ELL: variants seen among roughly 807,000 people sequenced by gnomAD.
The protein encoded by ELL is RNA polymerase II elongation factor ELL.
A neutral mutation model predicts 64.0 loss-of-function variants in ELL; 18 were observed. The observed-to-expected ratio is 0.28, with a 90% CI of 0.19 to 0.42. The LOEUF (loss-of-function observed/expected upper bound fraction) is 0.42. Among genes scored for constraint, ELL ranks in the 10% least tolerant of loss-of-function variants. The pLI, the probability that ELL is intolerant of heterozygous loss-of-function variation, is 1.00. For missense variants in ELL, 797 were observed against 870.4 expected (o/e 0.92, Z 1.06); for synonymous variants, 399 against 376.2 (o/e 1.06, Z -0.70).
intron 1 of ELL, among the ~76,000 whole-genome samples, chr19:18,493,192 G>A (rs956285749): frequency 5.3e-5 from 8 of 152,140 alleles, no homozygotes; most frequent in Admixed American, 3.9e-4. Context: ...CCAGGGATTT[G>A]TCTGAGATAA....
intron 2 of ELL, among the ~76,000 whole-genome samples, chr19:18,469,771 G>A (rs888051025): frequency 1.3e-5 from 2 of 152,222 alleles, no homozygotes; most frequent in Non-Finnish European, 2.9e-5. Flanking sequence ...ACCAGGGGGC[G>A]TTGCTTCCAC....
chr19:18,474,086 C>T (rs1041956068), intron 1 of ELL, among the ~76,000 whole-genome samples: 6 of 152,218 alleles, frequency 3.9e-5, no homozygotes, highest in Non-Finnish European at 8.8e-5. Context: ...GCCCAGGGTC[C>T]GCCCTCTGGA....
At chr19:18,518,764 T>C (rs1038870926) in intron 1 of ELL, among the ~76,000 whole-genome samples, 18 of 151,436 alleles carry the variant, frequency 1.2e-4, no homozygotes, top group Admixed American at 7.2e-4. Context: ...GCAATCCAGC[T>C]TGGGCGACAG....
intron 6 of ELL, among the ~76,000 whole-genome samples, chr19:18,455,310 G>A (rs1600434155): frequency 6.6e-6 from 1 of 151,382 alleles, no homozygotes; most frequent in East Asian, 1.9e-4. Context: ...GGCCAAGATG[G>A]TGAAACCCCA....
intron 1 of ELL, among the ~76,000 whole-genome samples, chr19:18,503,840 T>G (rs955023155): frequency 1.3e-5 from 2 of 152,090 alleles, no homozygotes; most frequent in Non-Finnish European, 2.9e-5. Flanking sequence ...CACGGGACTG[T>G]CACTCATCAC....
intron 1 of ELL, among the ~76,000 whole-genome samples, chr19:18,507,662 C>G (rs936027336): frequency 1.3e-5 from 2 of 152,206 alleles, no homozygotes; most frequent in African/African-American, 4.8e-5. Flanking sequence ...AGCGCAGGGG[C>G]TTCATCCCTC....
intron 10 of ELL, among the ~76,000 whole-genome samples, chr19:18,445,609 C>A (rs1489860976): frequency 6.6e-6 from 1 of 152,026 alleles, no homozygotes; most frequent in Non-Finnish European, 1.5e-5. Flanking sequence ...CCCCAAGAAC[C>A]CGTGGCTCGC....
chr19:18,476,990 C>T (rs946638692), intron 1 of ELL, among the ~76,000 whole-genome samples: 1 of 152,110 alleles, frequency 6.6e-6, no homozygotes, highest in Non-Finnish European at 1.5e-5. Flanking sequence ...ACCCTACAGA[C>T]ACGTGAAGCA....
chr19:18,468,713 T>A (rs1481832931), intron 2 of ELL, among the ~76,000 whole-genome samples: 1 of 152,200 alleles, frequency 6.6e-6, no homozygotes, highest in Admixed American at 6.5e-5. Context: ...TGCCAGTGGC[T>A]CCTGCCCCAC....
intron 1 of ELL, among the ~76,000 whole-genome samples, chr19:18,474,835 T>A (rs924740821): frequency 6.6e-5 from 10 of 152,158 alleles, no homozygotes; most frequent in African/African-American, 2.4e-4. Context: ...TGCTACAAAT[T>A]TGGTTAAACA....
At chr19:18,461,244 C>T (rs570471147) in intron 5 of ELL, among the ~76,000 whole-genome samples, 2 of 151,914 alleles carry the variant, frequency 1.3e-5, no homozygotes, top group South Asian at 4.2e-4. Flanking sequence ...GCCTTGAGTC[C>T]ACAAATCGTC....
intron 1 of ELL, among the ~76,000 whole-genome samples, chr19:18,506,368 T>C (rs1263806931): frequency 6.6e-6 from 1 of 152,242 alleles, no homozygotes; most frequent in Non-Finnish European, 1.5e-5. Context: ...CTGTGGCAAG[T>C]TACCCTCTCC....
intron 1 of ELL, among the ~76,000 whole-genome samples, chr19:18,483,279 C>G (rs775360497): frequency 9.9e-5 from 15 of 152,170 alleles, no homozygotes; most frequent in Non-Finnish European, 1.9e-4. Context: ...CCTGGATATT[C>G]CCCGGATGCC....
chr19:18,483,877 A>G (rs1027927296), intron 1 of ELL, among the ~76,000 whole-genome samples: 2 of 152,156 alleles, frequency 1.3e-5, no homozygotes, highest in Non-Finnish European at 2.9e-5. Flanking sequence ...GTCAATCTCC[A>G]GGCATGGCCC....
intron 2 of ELL, among the ~76,000 whole-genome samples, chr19:18,466,843 C>A (rs774806287): frequency 6.6e-6 from 1 of 152,174 alleles, no homozygotes; most frequent in Non-Finnish European, 1.5e-5. Context: ...TGTCCCCTGG[C>A]TGCAGCACCC....
Position 18,453,761 on chromosome 19 carries a change from G to A in ELL, c.870-2113C>T, listed in dbSNP as rs549148805. Reference sequence around the variant, plus strand: ...TTTGTAGAGATGAGGGTCTCACTATGTTGCCCAGGCTTGTCTAGAACTTGA... The same window carrying A: ...TTTGTAGAGATGAGGGTCTCACTATATTGCCCAGGCTTGTCTAGAACTTGA... On this transcript the variant is annotated intron_variant, in intron 6 of 11. Coordinates refer to ENST00000262809, the MANE Select transcript of ELL (RefSeq NM_006532.4). 5.3e-5 allele frequency among the ~76,000 whole-genome samples: 8 copies of A among 152,208 alleles called. 1 individual carries two copies. The East Asian group carries it at 7.7e-4, about 15-fold the overall frequency.
chr19:18,451,169 A>G (rs1447629183), intron 7 of ELL, among the ~76,000 whole-genome samples, 194 bp from the exon 8 acceptor site: 1 of 152,138 alleles, frequency 6.6e-6, no homozygotes, highest in Admixed American at 6.5e-5. Flanking sequence ...GCCTGCTGGG[A>G]TCGATGCAGG....
chr19:18,463,288 G>C (rs562207471), intron 4 of ELL, among the ~76,000 whole-genome samples: 2 of 151,882 alleles, frequency 1.3e-5, no homozygotes, highest in Non-Finnish European at 2.9e-5. Context: ...CAACCTGAGG[G>C]GGGCACTGTG....
At position 18,450,563 on chromosome 19, in the gene ELL, C is replaced by T. The variant is rs1419119613; in HGVS notation, c.1379G>A (p.Arg460Lys). 17 of 1,612,650 alleles carry T rather than the reference C, an allele frequency of 1.1e-5. No individual in the cohort carries two copies. Among genetic ancestry groups the T allele is most frequent in the Middle Eastern group, 1.6e-4 (1 of 6,076 alleles). The part of the protein sequence containing the change: ...KKSKKHKDKE[R>K]AAEDKPRAQL... ...GGCCCGGGGCTTGTCCTCAGCCGCC[C>T]TCTCCTTGTCTTTGTGCTTCTTGGA... The change falls in exon 8 of 12, where the codon AGG becomes AAG. Residue 460 changes from arginine to lysine, a missense_variant. Coordinates refer to ENST00000262809, the MANE Select transcript of ELL (RefSeq NM_006532.4).
Sources: gnomAD v4.1 joint callset for allele counts (sites outside exome capture counted in the v4.1 genomes callset) on GRCh38, gnomAD v4.1.1 for gene constraint, MANE v1.5 for transcripts, NCBI Gene and HGNC (gene_info 2026-07-23, HGNC 2026-07-21) for gene names.